Variants in RAPGEF5 observed in about 807,000 individuals in gnomAD.
The protein encoded by RAPGEF5 is M-Ras-regulated GEF.
In RAPGEF5, 65 loss-of-function variants were observed where a neutral mutation model predicts 125.2. The ratio of observed to expected loss-of-function variants is 0.52; its 90% CI spans 0.43 to 0.64. The LOEUF (loss-of-function observed/expected upper bound fraction) is 0.64. Among genes scored for constraint, RAPGEF5 ranks in the 30% least tolerant of loss-of-function variants. RAPGEF5 has a pLI of 0.00. For missense variants in RAPGEF5, 958 were observed against 1,048.1 expected (o/e 0.91, Z 1.19); for synonymous variants, 391 against 385.9 (o/e 1.01, Z -0.16).
At chr7:22,144,904 C>T (rs1783380655) in intron 20 of RAPGEF5, 140 bp downstream of exon 20, 1 of 951,562 alleles carries the variant, frequency 1.1e-6, no homozygotes, top group Non-Finnish European at 1.5e-6. Flanking sequence ...CAAAATTGGA[C>T]ATTTTCAGCC....
At chr7:22,356,094 G>C in intron 1 of RAPGEF5, 3 of 985,410 alleles carry the variant, frequency 3.0e-6, no homozygotes, top group Non-Finnish European at 3.6e-6. Flanking sequence ...ACAATCAGCA[G>C]ACCTTCCTGC....
At chr7:22,169,882 GC>G (rs1784295834) in intron 11 of RAPGEF5, among the ~76,000 whole-genome samples, 1 of 8,366 alleles carries the variant, frequency 1.2e-4, no homozygotes, top group African/African-American at 4.1e-4. Context: ...AAAAAAAAAA[GC>G]TGAATCTTCC....
In RAPGEF5 at chr7:22,122,416, G is replaced by T. The variant is rs945161497; in HGVS notation, c.2642C>A (p.Pro881His). The change falls in exon 26 of 26, where the codon CCT (proline) becomes CAT (histidine). Residue 881 changes from proline to histidine, a missense_variant. Coordinates refer to ENST00000665637, the MANE Select transcript of RAPGEF5 (RefSeq NM_012294.5). ...ALFELSHRIEPRV is the reference protein window; with the variant it reads ...ALFELSHRIEHRV The stretch of plus-strand genomic sequence containing the variant: ...GTGAGGCAGTGGGGCTCACACCCGA[G>T]GCTCGATCCTGTGTGAGAGCTCAAA... 4 of 1,613,012 alleles carry T rather than the reference G, an allele frequency of 2.5e-6. No individual in the cohort carries two copies. Among genetic ancestry groups the T allele is most frequent in the Non-Finnish European group, 3.4e-6 (4 of 1,179,256 alleles).
intron 6 of RAPGEF5, among the ~76,000 whole-genome samples, chr7:22,271,968 G>C (rs1782437771): frequency 6.6e-6 from 1 of 152,140 alleles, no homozygotes; most frequent in Non-Finnish European, 1.5e-5. Context: ...TTCTCCATGG[G>C]AGAGGTTAAC....
Position 22,150,513 on chromosome 7 carries a change from G to GAAAAAAAAAAAAAAAAAAAAAAAAA in RAPGEF5, c.1787-10_1787-9insTTTTTTTTTTTTTTTTTTTTTTTTT. On this transcript the variant is annotated splice_polypyrimidine_tract_variant and intron_variant, in intron 17 of 25. Transcript: ENST00000665637. Reference sequence around the variant, plus strand: ...CTGAAGTTCATGCTTTTCTTTATTTGAAAAAAAAAAAAAAAAAAGGAATAA... The same window carrying GAAAAAAAAAAAAAAAAAAAAAAAAA: ...CTGAAGTTCATGCTTTTCTTTATTTGAAAAAAAAAAAAAAAAAAAAAAAAAAAAAAAAAAAAAAAAAAAGGAATAA... 7.4e-7 allele frequency: 1 copy of GAAAAAAAAAAAAAAAAAAAAAAAAA among 1,352,486 alleles called. No individual in the cohort carries two copies. Among genetic ancestry groups the GAAAAAAAAAAAAAAAAAAAAAAAAA allele is most frequent in the East Asian group, 2.8e-5 (1 of 35,154 alleles). 83.8% of individuals were successfully genotyped at this position (1,352,486 alleles called of 1,614,324 possible).
At chr7:22,257,223 A>T (rs1786784234) in intron 7 of RAPGEF5, among the ~76,000 whole-genome samples, 1 of 152,224 alleles carries the variant, frequency 6.6e-6, no homozygotes, top group African/African-American at 2.4e-5. Context: ...ATCATTTTAA[A>T]TACTTTTTTA....
chr7:22,289,520 C>A (rs148499519), intron 6 of RAPGEF5, among the ~76,000 whole-genome samples: 2 of 152,216 alleles, frequency 1.3e-5, no homozygotes, highest in Non-Finnish European at 2.9e-5. Context: ...AAACACACAA[C>A]GTTTAACACA....
chr7:22,345,490 G>GAA, intron 1 of RAPGEF5, among the ~76,000 whole-genome samples: 1 of 152,062 alleles, frequency 6.6e-6, no homozygotes, highest in Non-Finnish European at 1.5e-5. Flanking sequence ...GCAGCATATA[G>GAA]AAAAGCTCAG....
chr7:22,301,689 T>C (rs1783209195), intron 5 of RAPGEF5, among the ~76,000 whole-genome samples: 1 of 149,096 alleles, frequency 6.7e-6, no homozygotes, highest in African/African-American at 2.5e-5. Context: ...TTAAATGTAA[T>C]AAGATAATGA....
At chr7:22,161,581 C>CA (rs61463183) in intron 13 of RAPGEF5, among the ~76,000 whole-genome samples, 2 of 148,022 alleles carry the variant, frequency 1.4e-5, no homozygotes, top group Non-Finnish European at 3.0e-5. Context: ...CACACACACA[C>CA]AATTCCACAT....
chr7:22,189,355 G>A (rs190590423), intron 11 of RAPGEF5, among the ~76,000 whole-genome samples: 1 of 152,188 alleles, frequency 6.6e-6, no homozygotes, highest in East Asian at 1.9e-4. Context: ...AGAAATCATC[G>A]TTCACTACAG....
chr7:22,179,001 CTT>C (rs1784593496), intron 11 of RAPGEF5, among the ~76,000 whole-genome samples: 1 of 152,168 alleles, frequency 6.6e-6, no homozygotes, highest in South Asian at 2.1e-4. Flanking sequence ...CTTAGAAACT[CTT>C]GTGTTAAGAA....
At chr7:22,182,285 G>A (rs766949414) in intron 11 of RAPGEF5, among the ~76,000 whole-genome samples, 26 of 152,176 alleles carry the variant, frequency 1.7e-4, no homozygotes, top group Non-Finnish European at 2.9e-4. Context: ...GAAAGAGAAA[G>A]AAGGAGACAG....
intron 9 of RAPGEF5, among the ~76,000 whole-genome samples, chr7:22,205,809 C>T (rs974339466): frequency 1.3e-5 from 2 of 152,216 alleles, no homozygotes; most frequent in African/African-American, 4.8e-5. Flanking sequence ...AATGACTTGA[C>T]TTGAAATATC....
At chr7:22,213,605 C>A (rs1785559978) in intron 9 of RAPGEF5, among the ~76,000 whole-genome samples, 1 of 152,112 alleles carries the variant, frequency 6.6e-6, no homozygotes, top group South Asian at 2.1e-4. Flanking sequence ...AAGCCTAATT[C>A]CAATGGAAAG....
intron 23 of RAPGEF5, among the ~76,000 whole-genome samples, chr7:22,131,908 G>A (rs1782925854): frequency 6.6e-6 from 1 of 152,218 alleles, no homozygotes; most frequent in African/African-American, 2.4e-5. Context: ...AGCTCTGAGA[G>A]TGGATGACTT....
At chr7:22,190,082 C>T (rs988842835) in intron 11 of RAPGEF5, among the ~76,000 whole-genome samples, 10 of 152,120 alleles carry the variant, frequency 6.6e-5, no homozygotes, top group Non-Finnish European at 1.2e-4. Flanking sequence ...GAGTTCGAGA[C>T]CAGCCTGACC....
chr7:22,138,385 A>G (rs1783147601), intron 21 of RAPGEF5, among the ~76,000 whole-genome samples: 1 of 152,182 alleles, frequency 6.6e-6, no homozygotes, highest in Admixed American at 6.5e-5. Flanking sequence ...GGCCTGCACA[A>G]CCTAAACATT....
At position 22,181,335 on chromosome 7, in the gene RAPGEF5, A is replaced by G. The variant is rs538279694; in HGVS notation, c.1204+12032T>C. Among the ~76,000 whole-genome samples, 5 of 152,358 alleles carry G rather than the reference A, an allele frequency of 3.3e-5. No individual in the cohort carries two copies. The South Asian group carries it at 6.2e-4, about 19-fold the overall frequency. ...AGGGATATAATAAGAAAAAAATAGC[A>G]GAAGCTTACATATACTCATTCATCT... On this transcript the variant is annotated intron_variant, in intron 11 of 25. Transcript: ENST00000665637.
Sources: gnomAD v4.1 joint callset for allele counts (sites outside exome capture counted in the v4.1 genomes callset) on GRCh38, gnomAD v4.1.1 for gene constraint, MANE v1.5 for transcripts, NCBI Gene and HGNC (gene_info 2026-07-23, HGNC 2026-07-21) for gene names.